Variants in ARHGAP10 observed in about 807,000 individuals in gnomAD.
ARHGAP10 encodes the protein rho GTPase-activating protein 10.
A neutral mutation model predicts 108.6 loss-of-function variants in ARHGAP10; 87 were observed. That is an observed-to-expected ratio of 0.80 (90% CI 0.67 to 0.96). The LOEUF (loss-of-function observed/expected upper bound fraction) is 0.96. Among genes scored for constraint, ARHGAP10 ranks in the 40% least tolerant of loss-of-function variants. The pLI is 0.00. For synonymous variants in ARHGAP10, 347 were observed against 341.1 expected, an observed-to-expected ratio of 1.02 and a Z score of -0.19; for missense variants, 939 against 954.5, an observed-to-expected ratio of 0.98 and a Z score of 0.21.
chr4:147,991,718 C>T (rs1165914904), intron 18 of ARHGAP10, among the ~76,000 whole-genome samples: 1 of 152,188 alleles, frequency 6.6e-6, no homozygotes, highest in Non-Finnish European at 1.5e-5. Flanking sequence ...TGTGTACCAG[C>T]CAAGTTCCCA....
At position 147,969,345 on chromosome 4, in the gene ARHGAP10, T is replaced by TTTTTTTTG. The variant is rs761497318; in HGVS notation, c.1716+2506_1716+2507insTTTTTTTG. ...TTGCCTTTTTTTTTTTTTTTTTTTT[T>TTTTTTTTG]GCCAGTGGTGGTGAATTTATGCCTC... On this transcript the variant is annotated intron_variant, in intron 18 of 22. Transcript: ENST00000336498. 1.5e-5 allele frequency among the ~76,000 whole-genome samples: 2 copies of TTTTTTTTG among 129,158 alleles called. 1 individual carries two copies. The highest frequency in any genetic ancestry group is 6.6e-5 in the African/African-American group (2 of 30,470). The allele number at this position is 129,158 out of a possible 152,430, so 84.7% of individuals were successfully genotyped here. A position where few individuals can be genotyped will look rare whatever the true frequency, so the allele number is the denominator to read the frequency against.
chr4:147,864,651 A>G, intron 5 of ARHGAP10, 195 bp from the exon 6 acceptor site: 1 of 516,250 alleles, frequency 1.9e-6, no homozygotes. Context: ...GCACCTGCTC[A>G]ATTCTGCTGT....
chr4:148,052,677 A>T (rs549056492), intron 20 of ARHGAP10, among the ~76,000 whole-genome samples: 114 of 152,212 alleles, frequency 7.5e-4, no homozygotes, highest in South Asian at 1.7e-3. Context: ...CTTCTTGTGG[A>T]AGGATGTGGT....
At chr4:147,746,817 A>G (rs1219448618) in intron 1 of ARHGAP10, among the ~76,000 whole-genome samples, 1 of 152,220 alleles carries the variant, frequency 6.6e-6, no homozygotes, top group Non-Finnish European at 1.5e-5. Flanking sequence ...TTGTAGATTT[A>G]TGGCAGGACA....
At chr4:147,870,939 TG>T (rs1734792296) in intron 7 of ARHGAP10, among the ~76,000 whole-genome samples, 1 of 103,042 alleles carries the variant, frequency 9.7e-6, no homozygotes, top group African/African-American at 7.1e-5. Flanking sequence ...TGTGTGTGTG[TG>T]TGTGTGTGTG....
chr4:148,019,181 C>G (rs1348048873), intron 18 of ARHGAP10, among the ~76,000 whole-genome samples: 2 of 152,160 alleles, frequency 1.3e-5, no homozygotes, highest in African/African-American at 4.8e-5. Context: ...AATAACTTGG[C>G]TCAGAGCACT....
intron 1 of ARHGAP10, among the ~76,000 whole-genome samples, chr4:147,815,480 G>C (rs1393797446): frequency 6.6e-6 from 1 of 152,166 alleles, no homozygotes; most frequent in African/African-American, 2.4e-5. Flanking sequence ...GGCGGGGGGC[G>C]GGGGGAGGAG....
chr4:148,016,745 C>T (rs1408966952), intron 18 of ARHGAP10, among the ~76,000 whole-genome samples: 1 of 152,124 alleles, frequency 6.6e-6, no homozygotes, highest in Non-Finnish European at 1.5e-5. Context: ...AGACTGCCCC[C>T]TTTTCAGATG....
chr4:147,820,138 G>A (rs1431555583), intron 1 of ARHGAP10, among the ~76,000 whole-genome samples: 1 of 152,108 alleles, frequency 6.6e-6, no homozygotes, highest in African/African-American at 2.4e-5. Flanking sequence ...GAGTGGGCTA[G>A]TAAAGATGTA....
At chr4:147,942,806 G>A (rs1421521970) in intron 14 of ARHGAP10, among the ~76,000 whole-genome samples, 1 of 152,224 alleles carries the variant, frequency 6.6e-6, no homozygotes, top group African/African-American at 2.4e-5. Context: ...CTTCCCCTCT[G>A]GGAGCCTAAG....
At chr4:148,069,049 T>G (rs778872247) in intron 22 of ARHGAP10, among the ~76,000 whole-genome samples, 2 of 151,950 alleles carry the variant, frequency 1.3e-5, no homozygotes, top group African/African-American at 2.4e-5. Context: ...CCCATAAGAA[T>G]GGAAAAGCAG....
chr4:147,918,704 T>C (rs903598169), intron 13 of ARHGAP10, among the ~76,000 whole-genome samples: 1 of 152,140 alleles, frequency 6.6e-6, no homozygotes, highest in African/African-American at 2.4e-5. Flanking sequence ...AGTAAGCCAG[T>C]TGGGGAAATT....
intron 1 of ARHGAP10, among the ~76,000 whole-genome samples, chr4:147,732,965 G>C (rs1352096893): frequency 1.3e-5 from 2 of 152,106 alleles, no homozygotes; most frequent in Non-Finnish European, 2.9e-5. Context: ...CCCTCTCATT[G>C]TCTGATCTTC....
intron 1 of ARHGAP10, among the ~76,000 whole-genome samples, chr4:147,745,718 C>T (rs577724857): frequency 2.4e-4 from 37 of 151,700 alleles, no homozygotes; most frequent in Admixed American, 5.2e-4. Flanking sequence ...GTCTCCATCT[C>T]CTGACCTCTT....
chr4:147,772,787 C>T, intron 1 of ARHGAP10, among the ~76,000 whole-genome samples: 1 of 152,018 alleles, frequency 6.6e-6, no homozygotes, highest in Non-Finnish European at 1.5e-5. Context: ...GGAGCATTCT[C>T]TTAAGTCTAG....
intron 7 of ARHGAP10, among the ~76,000 whole-genome samples, chr4:147,868,680 G>C (rs973427846): frequency 3.9e-5 from 6 of 152,180 alleles, no homozygotes; most frequent in Middle Eastern, 3.2e-3. Flanking sequence ...ATGCAGTGGG[G>C]GTGGGAGAAG....
rs182892638 is a variant in ARHGAP10, at chr4:147,815,549, A to G, written c.155-7178A>G. ...CACAGTGGTCCTTAAAAGAGAGAAG[A>G]GATGTGATGACAGAAACAAAGGTCA... is the stretch of plus-strand genomic sequence containing the variant. On this transcript the variant is annotated intron_variant, in intron 1 of 22. Coordinates refer to ENST00000336498, the MANE Select transcript of ARHGAP10 (RefSeq NM_024605.4). Among the ~76,000 whole-genome samples, 6 of 152,196 alleles carry G rather than the reference A, an allele frequency of 3.9e-5. No homozygotes were observed. In the East Asian group the frequency reaches 1.2e-3, roughly 29 times the overall value.
intron 10 of ARHGAP10, among the ~76,000 whole-genome samples, chr4:147,885,059 A>T (rs1735488620): frequency 6.6e-6 from 1 of 151,754 alleles, no homozygotes; most frequent in Non-Finnish European, 1.5e-5. Flanking sequence ...GATAAACTGG[A>T]TGTTGCAGTA....
intron 3 of ARHGAP10, among the ~76,000 whole-genome samples, chr4:147,841,015 G>T (rs1365840530): frequency 1.3e-5 from 2 of 152,252 alleles, no homozygotes; most frequent in African/African-American, 2.4e-5. Flanking sequence ...TGTAAGTCAA[G>T]TTTCGTTGGA....
Sources: allele counts gnomAD v4.1 joint callset (sites outside exome capture counted in the v4.1 genomes callset), GRCh38; gene constraint gnomAD v4.1.1; transcripts MANE v1.5; gene names NCBI Gene and HGNC (gene_info 2026-07-23, HGNC 2026-07-21).